The following USH2A variants were observed in gnomAD, a reference collection of about 807,000 sequenced individuals.
USH2A encodes Usher syndrome 2A (autosomal recessive, mild).
In USH2A, 443 loss-of-function variants were observed where a neutral mutation model predicts 538.9. The ratio of observed to expected loss-of-function variants is 0.82; its 90% CI spans 0.76 to 0.89. The LOEUF is 0.89. Ranked by LOEUF, USH2A falls within the 40% of genes least tolerant of loss-of-function variation. The pLI, the probability that USH2A is intolerant of heterozygous loss-of-function variation, is 0.00. For synonymous variants in USH2A, 2,413 were observed against 2,273.5 expected (o/e 1.06, Z -1.75); for missense variants, 6,633 against 6,324.8 (o/e 1.05, Z -1.65).
At chr1:215,900,594 T>C in intron 39 of USH2A, 161 bp downstream of exon 39, 1 of 998,138 alleles carries the variant, frequency 1.0e-6, no homozygotes, top group South Asian at 1.5e-5. Context: ...AAAATAGATA[T>C]TTTTGCAAAG....
chr1:215,796,875 T>C (rs895919963), intron 50 of USH2A, among the ~76,000 whole-genome samples: 2 of 27,836 alleles, frequency 7.2e-5, no homozygotes, highest in Middle Eastern at 0.014. Context: ...TCCCACACCT[T>C]CAACAGACCT....
intron 38 of USH2A, among the ~76,000 whole-genome samples, chr1:215,923,431 C>A (rs761648137): frequency 2.6e-5 from 4 of 152,018 alleles, no homozygotes; most frequent in Non-Finnish European, 5.9e-5. Flanking sequence ...TGGCTGGCAG[C>A]AAATTGAGCC....
intron 60 of USH2A, among the ~76,000 whole-genome samples, chr1:215,736,151 C>T (rs767786509): frequency 1.3e-5 from 2 of 152,172 alleles, no homozygotes; most frequent in Non-Finnish European, 2.9e-5. Flanking sequence ...AAACCTTCAG[C>T]AGCTCACATT....
intron 21 of USH2A, among the ~76,000 whole-genome samples, chr1:216,129,033 A>T (rs1334053089): frequency 1.3e-5 from 2 of 151,924 alleles, no homozygotes; most frequent in Non-Finnish European, 2.9e-5. Flanking sequence ...AGCTTATTTC[A>T]CTTAACATAA....
At chr1:216,210,189 A>G (rs557655311) in intron 15 of USH2A, among the ~76,000 whole-genome samples, 91 of 152,070 alleles carry the variant, frequency 6.0e-4, no homozygotes, top group African/African-American at 2.1e-3. Context: ...ACATTTCTAC[A>G]TAGTTGTCCA....
chr1:216,382,293 T>A (rs1280136725), intron 3 of USH2A, among the ~76,000 whole-genome samples: 1 of 152,056 alleles, frequency 6.6e-6, no homozygotes, highest in Admixed American at 6.6e-5. Flanking sequence ...TTCCTGAAAA[T>A]GTTGATGCCA....
At chr1:215,870,852 T>A (rs1664608108) in intron 43 of USH2A, among the ~76,000 whole-genome samples, 1 of 152,164 alleles carries the variant, frequency 6.6e-6, no homozygotes, top group African/African-American at 2.4e-5. Context: ...TTCCATTTAA[T>A]AAATGATAAA....
intron 11 of USH2A, among the ~76,000 whole-genome samples, chr1:216,253,925 C>T (rs1257533219): frequency 6.6e-6 from 1 of 152,176 alleles, no homozygotes; most frequent in Non-Finnish European, 1.5e-5. Flanking sequence ...TGTGGCTTCT[C>T]TCTTCTTCCT....
intron 64 of USH2A, among the ~76,000 whole-genome samples, chr1:215,666,819 C>T (rs1318464109): frequency 2.0e-5 from 3 of 152,144 alleles, no homozygotes; most frequent in Non-Finnish European, 4.4e-5. Flanking sequence ...AGGCCAGGCG[C>T]GGTGGCTCAC....
chr1:215,627,521 CTTCCTTTT>C (rs1240470619), intron 71 of USH2A, among the ~76,000 whole-genome samples: 11 of 142,594 alleles, frequency 7.7e-5, no homozygotes, highest in Non-Finnish European at 1.7e-4. Flanking sequence ...TCCTTCCTTC[CTTCCTTTT>C]TTCCTTTTTT....
chr1:216,129,198 G>C (rs1263660008), intron 21 of USH2A, among the ~76,000 whole-genome samples: 2 of 152,034 alleles, frequency 1.3e-5, no homozygotes, highest in Non-Finnish European at 2.9e-5. Context: ...ATTATGACTA[G>C]TGTTGAAATA....
intron 14 of USH2A, among the ~76,000 whole-genome samples, chr1:216,220,560 T>TA (rs1441854215): frequency 3.4e-5 from 5 of 148,250 alleles, no homozygotes; most frequent in East Asian, 4.0e-4. Context: ...AAAAGATGAG[T>TA]AGAAATAAGC....
At chr1:215,630,480 GTGTATA>G (rs1452964160) in intron 70 of USH2A, among the ~76,000 whole-genome samples, 3,977 of 105,128 alleles carry the variant, frequency 0.038, 84 homozygotes, top group African/African-American at 0.066. Context: ...GTATGTGTGT[GTGTATA>G]TATATATATA....
chr1:216,247,297 A>T (rs2036072038), intron 12 of USH2A, 71 bp from the exon 13 acceptor site: 1 of 1,576,636 alleles, frequency 6.3e-7, no homozygotes, highest in Admixed American at 1.7e-5. Context: ...AGACACAAAC[A>T]ATGCTACTGC....
intron 3 of USH2A, among the ~76,000 whole-genome samples, chr1:216,377,755 GAAAGAAAGAGAAGGAAAGAAATAA>G (rs1281547894): frequency 1.6e-4 from 21 of 132,580 alleles, no homozygotes; most frequent in South Asian, 2.6e-4. Context: ...AAAAAAGAAA[GAAAGAAAGAGAAGGAAAGAAATAA>G]AAAGAAAGAA....
Position 216,057,345 on chromosome 1 carries a change from T to A in USH2A, c.6050-8698A>T, listed in dbSNP as rs114900424. Reference sequence around the variant, plus strand: ...AGGCCATATTTTCGTCCTGTGAATTTTTTCAGACCAGTTTCTTTCAAGATT... The same window carrying A: ...AGGCCATATTTTCGTCCTGTGAATTATTTCAGACCAGTTTCTTTCAAGATT... On this transcript the variant is annotated intron_variant, in intron 30 of 71. Transcript: ENST00000307340. Among the ~76,000 whole-genome samples, 996 of 152,234 alleles carry A rather than the reference T, an allele frequency of 6.5e-3. 7 individuals carry two copies. The highest frequency in any genetic ancestry group is 0.022 in the African/African-American group (931 of 41,550).
At chr1:215,939,637 C>T (rs1291288204) in intron 37 of USH2A, among the ~76,000 whole-genome samples, 2 of 151,988 alleles carry the variant, frequency 1.3e-5, no homozygotes, top group Non-Finnish European at 2.9e-5. Flanking sequence ...CTCAGGGATG[C>T]GTAAATGATT....
At chr1:215,813,672 T>C (rs1662767426) in intron 49 of USH2A, 64 bp downstream of exon 49, 1 of 1,607,482 alleles carries the variant, frequency 6.2e-7, no homozygotes, top group African/African-American at 1.3e-5. Flanking sequence ...TTCACTGACA[T>C]GAACCACGTG....
intron 40 of USH2A, among the ~76,000 whole-genome samples, chr1:215,895,558 C>G (rs1041063580): frequency 6.6e-6 from 1 of 152,162 alleles, no homozygotes; most frequent in African/African-American, 2.4e-5. Flanking sequence ...AGAAGAACCT[C>G]TGTTCCTTTG....
Sources: gnomAD v4.1 joint callset for allele counts (sites outside exome capture counted in the v4.1 genomes callset) on GRCh38, gnomAD v4.1.1 for gene constraint, MANE v1.5 for transcripts, NCBI Gene and HGNC (gene_info 2026-07-23, HGNC 2026-07-21) for gene names.